POC1B: variants seen among roughly 807,000 people sequenced by gnomAD.
POC1B encodes the protein POC1 centriolar protein B, also known as POC1 centriolar protein homolog B.
A neutral mutation model predicts 60.6 loss-of-function variants in POC1B; 44 were observed. That is an observed-to-expected ratio of 0.73 (90% CI 0.57 to 0.93). The LOEUF is 0.93. Among genes scored for constraint, POC1B ranks in the 40% least tolerant of loss-of-function variants. POC1B has a pLI of 0.00. For synonymous variants in POC1B, 180 were observed against 198.9 expected (o/e 0.90, Z 0.80); for missense variants, 555 against 572.3 (o/e 0.97, Z 0.31).
At chr12:89,518,078 T>G (rs1189015478) in intron 2 of POC1B, among the ~76,000 whole-genome samples, 1 of 151,664 alleles carries the variant, frequency 6.6e-6, no homozygotes, top group African/African-American at 2.4e-5. Flanking sequence ...AGGACTGCTC[T>G]AATTTTCCTT....
intron 2 of POC1B, among the ~76,000 whole-genome samples, chr12:89,515,801 C>T (rs968947994): frequency 2.0e-5 from 3 of 152,160 alleles, no homozygotes; most frequent in Non-Finnish European, 4.4e-5. Context: ...TCATCCAGAC[C>T]CATGTTCTCC....
intron 10 of POC1B, among the ~76,000 whole-genome samples, chr12:89,454,096 G>A (rs1882161701): frequency 6.6e-6 from 1 of 152,156 alleles, no homozygotes; most frequent in East Asian, 1.9e-4. Flanking sequence ...TGATTCAGCC[G>A]ATCACTTTTC....
intron 4 of POC1B, among the ~76,000 whole-genome samples, chr12:89,473,701 CT>C (rs1882998304): frequency 6.8e-6 from 1 of 147,460 alleles, no homozygotes; most frequent in African/African-American, 2.5e-5. Context: ...AGAAAATAAC[CT>C]TTCAAGGAAA....
chr12:89,498,475 T>C (rs756438990), intron 2 of POC1B, among the ~76,000 whole-genome samples: 2 of 152,208 alleles, frequency 1.3e-5, no homozygotes, highest in Non-Finnish European at 2.9e-5. Flanking sequence ...TGTAATGTTA[T>C]AAATTCGAAC....
intron 10 of POC1B, among the ~76,000 whole-genome samples, chr12:89,441,184 G>C (rs1481064947): frequency 2.0e-5 from 3 of 152,240 alleles, no homozygotes; most frequent in Non-Finnish European, 4.4e-5. Context: ...CTTCACCTCT[G>C]GGGGCAGGGC....
At chr12:89,517,524 T>G (rs1453439860) in intron 2 of POC1B, among the ~76,000 whole-genome samples, 4 of 151,978 alleles carry the variant, frequency 2.6e-5, no homozygotes, top group Admixed American at 2.6e-4. Context: ...TCCCAGCTAC[T>G]TGGGAGGCTG....
intron 2 of POC1B, among the ~76,000 whole-genome samples, chr12:89,503,951 G>A (rs1325485855): frequency 1.3e-5 from 2 of 148,174 alleles, no homozygotes; most frequent in Non-Finnish European, 3.0e-5. Flanking sequence ...AGTGAGGAGC[G>A]TCTCCGCCCG....
chr12:89,453,346 C>T (rs1882130332), intron 10 of POC1B, among the ~76,000 whole-genome samples: 1 of 152,294 alleles, frequency 6.6e-6, no homozygotes, highest in Middle Eastern at 3.4e-3. Flanking sequence ...AGTCTCTTAA[C>T]TCTTAAAGGA....
chr12:89,446,309 G>A (rs1881783470), intron 10 of POC1B, among the ~76,000 whole-genome samples: 1 of 152,212 alleles, frequency 6.6e-6, no homozygotes, highest in Admixed American at 6.5e-5. Flanking sequence ...GCACACATAT[G>A]TTTATTGCGG....
intron 2 of POC1B, chr12:89,524,054 G>C (rs1225654031): frequency 6.2e-7 from 1 of 1,613,598 alleles, no homozygotes; most frequent in South Asian, 1.1e-5. Flanking sequence ...TCTTTCAAAA[G>C]AACTGCAGGA....
chr12:89,485,685 A>G (rs1294863315), intron 4 of POC1B, among the ~76,000 whole-genome samples: 1 of 152,236 alleles, frequency 6.6e-6, no homozygotes, highest in African/African-American at 2.4e-5. Context: ...GTGAAGCCAC[A>G]TAAACATCTC....
chr12:89,476,697 A>AATAGATAGATAG (rs754459068), intron 4 of POC1B, among the ~76,000 whole-genome samples: 163 of 139,968 alleles, frequency 1.2e-3, no homozygotes, highest in East Asian at 3.4e-3. Context: ...AGACTGTCTC[A>AATAGATAGATAG]ATAGATAGAT....
intron 4 of POC1B, among the ~76,000 whole-genome samples, chr12:89,490,352 T>A (rs1868894520): frequency 6.6e-6 from 1 of 152,150 alleles, no homozygotes; most frequent in South Asian, 2.1e-4. Flanking sequence ...TGTTTGTTTG[T>A]TTTTTTGAGA....
intron 1 of POC1B, chr12:89,525,514 A>G: frequency 1.5e-6 from 2 of 1,313,642 alleles, no homozygotes; most frequent in Non-Finnish European, 1.9e-6. Context: ...CGCTGGCCCA[A>G]GGCAGGCAGG....
chr12:89,499,991 C>T (rs928407164), intron 2 of POC1B: 22 of 818,844 alleles, frequency 2.7e-5, no homozygotes, highest in Middle Eastern at 3.5e-4. Context: ...GCTTGGCCGC[C>T]GCCTGGTAGT....
intron 4 of POC1B, among the ~76,000 whole-genome samples, chr12:89,473,666 G>GAAAAAAAAAAAAAAAA (rs1163868772): frequency 9.2e-6 from 1 of 109,172 alleles, no homozygotes; most frequent in African/African-American, 3.6e-5. Flanking sequence ...CCTCAGAAAA[G>GAAAAAAAAAAAAAAAA]AAAAAAAAAA....
chr12:89,438,565 T>C (rs1365590926), intron 10 of POC1B, among the ~76,000 whole-genome samples: 1 of 152,268 alleles, frequency 6.6e-6, no homozygotes, highest in Non-Finnish European at 1.5e-5. Flanking sequence ...TTGGCAATGC[T>C]GACTCCATCG....
At chr12:89,503,369 G>A (rs1381661885) in intron 2 of POC1B, among the ~76,000 whole-genome samples, 4 of 152,318 alleles carry the variant, frequency 2.6e-5, no homozygotes, top group Non-Finnish European at 2.9e-5. Flanking sequence ...TGCCAGCCTC[G>A]GCCTCCCGAG....
chr12:89,523,320 A>G (rs1490545515), intron 2 of POC1B: 11 of 1,614,086 alleles, frequency 6.8e-6, no homozygotes, highest in Non-Finnish European at 9.3e-6. Flanking sequence ...ATTTTCTTTC[A>G]GAAATATCAC....
Sources: allele counts gnomAD v4.1 joint callset (sites outside exome capture counted in the v4.1 genomes callset), GRCh38; gene constraint gnomAD v4.1.1; transcripts MANE v1.5; gene names NCBI Gene and HGNC (gene_info 2026-07-23, HGNC 2026-07-21).